Variants in EPHA10 observed in about 807,000 individuals in gnomAD.
EPHA10 encodes the protein EPH receptor A10.
EPHA10 carries 120 observed loss-of-function variants against 109.7 expected under a neutral mutation model. The observed-to-expected ratio is 1.09, with a 90% CI of 0.94 to 1.27. EPHA10 has a LOEUF of 1.27. Among genes scored for constraint, EPHA10 ranks in the 50% most tolerant of loss-of-function variants. The pLI is 0.00. For synonymous variants in EPHA10, 640 were observed against 618.9 expected (o/e 1.03, Z -0.51); for missense variants, 1,396 against 1,411.1 (o/e 0.99, Z 0.17).
chr1:37,723,336 A>G lies in EPHA10; in HGVS notation c.1809T>C (p.His603=), dbSNP rs767434039. The change falls in exon 9 of 17, where the codon CAT becomes CAC. Residue 603 remains histidine (H), a synonymous_variant. Coordinates refer to ENST00000373048, the MANE Select transcript of EPHA10 (RefSeq NM_001099439.2). ...AGTGGAAATACAGCTCCTCTTCATC[A>G]TGGGCATCCCCTCCTCCTTTGCCAT... ...CSYGKGGGDA[H]DEEELYFHFK... is the part of the protein sequence containing the mutation. 6.2e-7 allele frequency: 1 copy of G among 1,614,176 alleles called. No individual in the cohort carries two copies. The highest frequency in any genetic ancestry group is 2.2e-5 in the East Asian group (1 of 44,872).
rs1198334804 is a variant in EPHA10, at chr1:37,724,022, T to G, written c.1773-650A>C. On this transcript the variant is annotated intron_variant, in intron 8 of 16. Transcript: ENST00000373048. ...TTCTGGGAGCAGAGGAGAGCCCCTG[T>G]GGGGTTGAAGCAGAGGAGTGCAATG... Among the ~76,000 whole-genome samples, 7 of 152,184 alleles carry G rather than the reference T, an allele frequency of 4.6e-5. No homozygotes were observed. The East Asian group carries it at 1.3e-3, about 29-fold the overall frequency.
rs760160351 is a variant in EPHA10 at position 37,719,569 on chromosome 1, G to C, written c.2601C>G (p.Pro867=). 6.2e-7 allele frequency: 1 copy of C among 1,613,734 alleles called. No homozygotes were observed. The highest frequency in any genetic ancestry group is 8.5e-7 in the Non-Finnish European group (1 of 1,180,028). Residue 867 remains proline, a synonymous_variant, in exon 15 of 17, where the codon CCC becomes CCG. Coordinates refer to ENST00000373048, the MANE Select transcript of EPHA10 (RefSeq NM_001099439.2). ...KAVEDGFRLP[P]PRNCPNLLHR... Reference sequence around the variant, plus strand: ...GCAGAAGGTTAGGACAGTTCCTGGGGGGTGGCAGCCGGAAGCCATCCTCCA... The same window carrying C: ...GCAGAAGGTTAGGACAGTTCCTGGGCGGTGGCAGCCGGAAGCCATCCTCCA...
chr1:37,721,252 T>C (rs375957666), intron 11 of EPHA10, among the ~76,000 whole-genome samples: 179 of 131,292 alleles, frequency 1.4e-3, no homozygotes, highest in African/African-American at 4.1e-3. Flanking sequence ...ACCCCGTCTC[T>C]ACTAAAAAAA....
chr1:37,716,017 A>G lies in EPHA10; in HGVS notation c.*2355T>C. ...ATTATCCTGCATAGAGAACCCAAGA[A>G]ATATAAAAACATCTCCAGAAGGAAC... is the stretch of plus-strand genomic sequence containing the variant. On this transcript the variant is annotated 3_prime_UTR_variant, in exon 17 of 17. Transcript: ENST00000373048. 2 of 581,286 alleles carry G rather than the reference A, an allele frequency of 3.4e-6. No homozygotes were observed. Among genetic ancestry groups the G allele is most frequent in the South Asian group, 1.4e-5 (1 of 69,266 alleles). 36.0% of individuals were successfully genotyped at this position (581,286 alleles called of 1,614,324 possible). A position where few individuals can be genotyped will look rare whatever the true frequency, so the allele number is the denominator to read the frequency against.
At position 37,731,425 on chromosome 1, in the gene EPHA10, T is replaced by A; in HGVS notation, c.1649A>T (p.Gln550Leu). The change falls in exon 7 of 17, where the codon CAG becomes CTG. Residue 550 changes from glutamine (Q) to leucine (L), a missense_variant. Transcript: ENST00000373048. ...AQSFNPSIEV[Q>L]TLGEAASGSR... ...ACACTACTTACCCTCCCCCAGGGTC[T>A]GTACTTCAATGCTGGGGTTAAAACT... is the stretch of plus-strand genomic sequence containing the variant. The A allele has an allele frequency of 6.2e-7, 1 of 1,610,224 alleles. No homozygotes were observed. Among genetic ancestry groups the A allele is most frequent in the Non-Finnish European group, 8.5e-7 (1 of 1,177,790 alleles).
At chr1:37,719,697 G>GAC (rs149811548) in intron 14 of EPHA10, 90 bp from the exon 15 acceptor site, 238 of 1,414,102 alleles carry the variant, frequency 1.7e-4, no homozygotes, top group African/African-American at 8.2e-4. Flanking sequence ...CACAGACACA[G>GAC]ACACACACAC....
intron 13 of EPHA10, 36 bp downstream of exon 13, chr1:37,720,315 G>A: frequency 6.4e-7 from 1 of 1,565,774 alleles, no homozygotes; most frequent in South Asian, 1.2e-5. Flanking sequence ...GTGGGAACCA[G>A]AAGGCACAGG....
intron 1 of EPHA10, among the ~76,000 whole-genome samples, chr1:37,763,962 C>T (rs1270764998): frequency 6.6e-6 from 1 of 152,164 alleles, no homozygotes; most frequent in Non-Finnish European, 1.5e-5. Context: ...ACCCTTCCTA[C>T]CAGAGAAGCT....
intron 6 of EPHA10, among the ~76,000 whole-genome samples, chr1:37,732,624 G>A: frequency 6.6e-6 from 1 of 152,070 alleles, no homozygotes; most frequent in East Asian, 1.9e-4. Flanking sequence ...GCAGGCTAGG[G>A]GCAGAGAGGA....
intron 5 of EPHA10, among the ~76,000 whole-genome samples, chr1:37,751,143 T>G (rs1285727668): frequency 1.5e-5 from 2 of 135,592 alleles, no homozygotes; most frequent in Non-Finnish European, 3.0e-5. Context: ...ACGCGGAGCT[T>G]GTAGTGAGCC....
Position 37,718,181 on chromosome 1 carries a change from C to A in EPHA10, c.*191G>T. 1 of 590,698 alleles carries A rather than the reference C, an allele frequency of 1.7e-6. No individual in the cohort carries two copies. Among genetic ancestry groups the A allele is most frequent in the Non-Finnish European group, 3.0e-6 (1 of 331,778 alleles). 36.6% of individuals were successfully genotyped at this position (590,698 alleles called of 1,614,324 possible). On this transcript the variant is annotated 3_prime_UTR_variant, in exon 17 of 17. Transcript: ENST00000373048. ...TTCAGGGGCACTGAGTTAGCCAAGG[C>A]GTTCAGACTCGTGAAAATGGGAGGG...
chr1:37,721,886 G>T (rs780857622), intron 10 of EPHA10, 41 bp from the exon 11 acceptor site: 10 of 1,474,164 alleles, frequency 6.8e-6, no homozygotes, highest in Non-Finnish European at 9.1e-6. Flanking sequence ...AGAGGCCACT[G>T]CCCTGGCTGA....
Position 37,726,767 on chromosome 1 carries a change from G to A in EPHA10, c.1772+335C>T, listed in dbSNP as rs191260459. Among the ~76,000 whole-genome samples, 728 of 152,366 alleles carry A rather than the reference G, an allele frequency of 4.8e-3. 3 individuals are homozygous for A. Among genetic ancestry groups the A allele is most frequent in the Non-Finnish European group, 8.3e-3 (562 of 68,040 alleles). On this transcript the variant is annotated intron_variant, in intron 8 of 16. Coordinates refer to ENST00000373048, the MANE Select transcript of EPHA10 (RefSeq NM_001099439.2). The stretch of plus-strand genomic sequence containing the variant: ...GGGCCTCAAGAGGCCCGGGGACAGG[G>A]GCTGGGGGCCTCTGAGCTCCTCCGG...
At chr1:37,713,942 G>T (rs951380704), downstream of EPHA10, 2 of 152,148 alleles carry the variant, frequency 1.3e-5, no homozygotes, top group Admixed American at 6.5e-5. Flanking sequence ...TCTGAAACTG[G>T]GATGCATCTT....
At position 37,720,383 on chromosome 1, in the gene EPHA10, G is replaced by C. The variant is rs763155424; in HGVS notation, c.2380C>G (p.Arg794Gly). 6.2e-7 allele frequency: 1 copy of C among 1,611,936 alleles called. No homozygotes were observed. Among genetic ancestry groups the C allele is most frequent in the African/African-American group, 1.3e-5 (1 of 75,024 alleles). The change falls in exon 13 of 17, where the codon CGG becomes GGG. Residue 794 changes from arginine to glycine, a missense_variant. Arg to Gly is a moderately radical substitution (Grantham distance 125). Coordinates refer to ENST00000373048, the MANE Select transcript of EPHA10 (RefSeq NM_001099439.2). ...GTGTAGACAGCCTCTGATCGGTCCC[G>C]GGGGCCCCGCCCGAAGCCAGAGATC... ...CKISGFGRGP[R>G]DRSEAVYTTM...
chr1:37,734,811 T>C (rs1388798847), intron 6 of EPHA10: 1 of 337,048 alleles, frequency 3.0e-6, no homozygotes, highest in Non-Finnish European at 5.7e-6. Flanking sequence ...ATACATTTAT[T>C]GTTCTGGAAA....
chr1:37,722,469 C>A (rs889187954), intron 10 of EPHA10, among the ~76,000 whole-genome samples: 24 of 152,202 alleles, frequency 1.6e-4, no homozygotes, highest in African/African-American at 5.5e-4. Context: ...AAAGCAGCTA[C>A]CGTCTCTGAG....
rs148265644 is a variant in EPHA10 at position 37,727,131 on chromosome 1, G to A, written c.1743C>T (p.Ser581=). The part of the protein sequence containing the change: ...VTISALLVLG[S]VMSVLAIWRR... ...TCCAAATGGCCAGCACACTCATCAC[G>A]GAGCCCAGGACGAGGAGGGCCGAGA... The change falls in exon 8 of 17, where the codon TCC becomes TCT. Residue 581 remains serine (S), a synonymous_variant. Transcript: ENST00000373048. The A allele has an allele frequency of 2.2e-3, 3,580 of 1,612,078 alleles. 4 individuals are homozygous for A. Among genetic ancestry groups the A allele is most frequent in the Non-Finnish European group, 2.8e-3 (3,344 of 1,179,028 alleles).
chr1:37,761,957 G>C lies in EPHA10; in HGVS notation c.298C>G (p.Arg100Gly). 1.2e-6 allele frequency: 2 copies of C among 1,614,128 alleles called. No individual in the cohort carries two copies. The highest frequency in any genetic ancestry group is 1.7e-6 in the Non-Finnish European group (2 of 1,180,022). ...TGWISRGRGQ[R>G]IFVELQFTLR... ...GTGAACTGCAGTTCCACGAAGATGC[G>C]CTGCCCGCGGCCACGGCTTATCCAG... The change falls in exon 3 of 17, where the codon CGC (arginine) becomes GGC (glycine). Residue 100 changes from arginine to glycine, a missense_variant. Arg to Gly is a moderately radical substitution (Grantham distance 125, BLOSUM62 -2). Coordinates refer to ENST00000373048, the MANE Select transcript of EPHA10 (RefSeq NM_001099439.2).
Sources: gnomAD v4.1 joint callset for allele counts (sites outside exome capture counted in the v4.1 genomes callset) on GRCh38, gnomAD v4.1.1 for gene constraint, MANE v1.5 for transcripts, NCBI Gene and HGNC (gene_info 2026-07-23, HGNC 2026-07-21) for gene names.